Variants in KCNJ6 observed in about 807,000 individuals in gnomAD.
The protein encoded by KCNJ6 is G protein-activated inward rectifier potassium channel 2.
Under a neutral mutation model 34.2 loss-of-function variants are expected in KCNJ6, and 9 were observed. The ratio of observed to expected loss-of-function variants is 0.26; its 90% CI spans 0.16 to 0.46. The LOEUF (loss-of-function observed/expected upper bound fraction) is 0.46. KCNJ6 is among the 20% of genes least tolerant of loss of function. The probability of loss-of-function intolerance (pLI) is 1.00; values close to 1 mark genes in which losing one functional copy is unlikely to be tolerated. For synonymous variants in KCNJ6, 196 were observed against 207.1 expected (o/e 0.95, Z 0.46); for missense variants, 236 against 531.3 (o/e 0.44, Z 5.46).
rs1434911414 is a variant in KCNJ6 at position 37,825,001 on chromosome 21, T to C, written c.25+15657A>G. On this transcript the variant is annotated intron_variant, in intron 2 of 3. Transcript: ENST00000609713. Reference sequence around the variant, plus strand: ...TTTTCAAGGCCGGCATCTGTAAGTCTCTGTTCTGTCTGCATGCCAACTCCT... The same window carrying C: ...TTTTCAAGGCCGGCATCTGTAAGTCCCTGTTCTGTCTGCATGCCAACTCCT... 2.6e-5 allele frequency among the ~76,000 whole-genome samples: 4 copies of C among 152,074 alleles called. 1 individual carries two copies. In the East Asian group the frequency reaches 7.7e-4, roughly 29 times the overall value.
At chr21:37,894,631 T>C (rs560833744) in intron 1 of KCNJ6, among the ~76,000 whole-genome samples, 1 of 151,998 alleles carries the variant, frequency 6.6e-6, no homozygotes, top group Non-Finnish European at 1.5e-5. Flanking sequence ...GCCACTGCAC[T>C]CCAGCCTGGG....
intron 3 of KCNJ6, among the ~76,000 whole-genome samples, chr21:37,646,917 C>A (rs922249413): frequency 2.0e-5 from 3 of 152,106 alleles, no homozygotes; most frequent in African/African-American, 7.2e-5. Context: ...TCGTGATCCG[C>A]CCACCTCAGC....
intron 3 of KCNJ6, among the ~76,000 whole-genome samples, chr21:37,662,865 G>A (rs2054496359): frequency 1.3e-5 from 2 of 152,092 alleles, no homozygotes; most frequent in Non-Finnish European, 2.9e-5. Context: ...GACCAGTGAT[G>A]TTGAGTTCTT....
intron 2 of KCNJ6, among the ~76,000 whole-genome samples, chr21:37,832,202 T>C (rs933678111): frequency 1.3e-5 from 2 of 151,962 alleles, no homozygotes; most frequent in African/African-American, 2.4e-5. Context: ...GATGATGCTA[T>C]AACTACCTGT....
chr21:37,744,495 G>A (rs2054957272), intron 2 of KCNJ6, among the ~76,000 whole-genome samples: 1 of 152,110 alleles, frequency 6.6e-6, no homozygotes, highest in East Asian at 1.9e-4. Flanking sequence ...AACCCACCAA[G>A]CCATGTCCTC....
intron 2 of KCNJ6, among the ~76,000 whole-genome samples, chr21:37,759,639 T>C (rs534405516): frequency 6.6e-6 from 1 of 152,342 alleles, no homozygotes; most frequent in East Asian, 1.9e-4. Context: ...TAAGTAGCAC[T>C]GTTGGTCTTC....
intron 2 of KCNJ6, among the ~76,000 whole-genome samples, chr21:37,791,324 G>A (rs1247716144): frequency 1.3e-5 from 2 of 152,230 alleles, no homozygotes; most frequent in Admixed American, 6.5e-5. Flanking sequence ...TGGGGTTTGT[G>A]AACCAGATTC....
intron 3 of KCNJ6, among the ~76,000 whole-genome samples, chr21:37,656,146 C>A (rs1018442541): frequency 6.6e-6 from 1 of 152,190 alleles, no homozygotes; most frequent in African/African-American, 2.4e-5. Context: ...AAATGATACA[C>A]CCCTGCTCCA....
intron 3 of KCNJ6, among the ~76,000 whole-genome samples, chr21:37,643,475 T>C (rs986593533): frequency 6.6e-6 from 1 of 152,166 alleles, no homozygotes; most frequent in South Asian, 2.1e-4. Context: ...CTACCCTTGC[T>C]CCTGGAAAAG....
intron 2 of KCNJ6, among the ~76,000 whole-genome samples, chr21:37,731,901 C>T (rs1673510100): frequency 6.6e-6 from 1 of 152,144 alleles, no homozygotes; most frequent in African/African-American, 2.4e-5. Context: ...GTGCATTCAG[C>T]AAGGGAGAGG....
At chr21:37,657,809 G>A (rs2054470918) in intron 3 of KCNJ6, among the ~76,000 whole-genome samples, 1 of 152,244 alleles carries the variant, frequency 6.6e-6, no homozygotes, top group Admixed American at 6.5e-5. Context: ...GCCACCCTCT[G>A]GTTTAGAAAA....
intron 2 of KCNJ6, among the ~76,000 whole-genome samples, chr21:37,837,191 C>G (rs1467010410): frequency 6.6e-6 from 1 of 152,008 alleles, no homozygotes; most frequent in Non-Finnish European, 1.5e-5. Flanking sequence ...CTTTTCTTCC[C>G]TTCTCCATTT....
At chr21:37,745,980 G>A (rs1190037066) in intron 2 of KCNJ6, among the ~76,000 whole-genome samples, 1 of 152,142 alleles carries the variant, frequency 6.6e-6, no homozygotes, top group African/African-American at 2.4e-5. Context: ...GGTGCCGGCC[G>A]GTTCTGTTCC....
chr21:37,809,332 A>G (rs961622499), intron 2 of KCNJ6, among the ~76,000 whole-genome samples: 11 of 151,992 alleles, frequency 7.2e-5, no homozygotes, highest in African/African-American at 2.7e-4. Flanking sequence ...CAATGAGAAC[A>G]CATGGACACA....
chr21:37,836,233 G>A (rs1199312021), intron 2 of KCNJ6, among the ~76,000 whole-genome samples: 1 of 152,134 alleles, frequency 6.6e-6, no homozygotes, highest in African/African-American at 2.4e-5. Context: ...TAAAAAGTCA[G>A]GAAACAACAG....
At chr21:37,744,020 G>A (rs547906510) in intron 2 of KCNJ6, among the ~76,000 whole-genome samples, 2 of 151,722 alleles carry the variant, frequency 1.3e-5, no homozygotes, top group Non-Finnish European at 2.9e-5. Flanking sequence ...ATCAGTAAGG[G>A]AGCCACACTA....
At chr21:37,789,961 TGTGA>T (rs2055209519) in intron 2 of KCNJ6, among the ~76,000 whole-genome samples, 1 of 152,148 alleles carries the variant, frequency 6.6e-6, no homozygotes, top group Non-Finnish European at 1.5e-5. Flanking sequence ...TACCCAGGTG[TGTGA>T]GTGATAGAGT....
chr21:37,823,187 C>T (rs1287613582), intron 2 of KCNJ6, among the ~76,000 whole-genome samples: 1 of 152,172 alleles, frequency 6.6e-6, no homozygotes, highest in African/African-American at 2.4e-5. Flanking sequence ...GCCACCCCAA[C>T]ACCAGGCCAG....
At chr21:37,902,818 T>C (rs1168211181) in intron 1 of KCNJ6, among the ~76,000 whole-genome samples, 2 of 152,180 alleles carry the variant, frequency 1.3e-5, no homozygotes, top group Non-Finnish European at 1.5e-5. Context: ...ATACTTTTAA[T>C]TGACATCTCA....
Sources: allele counts gnomAD v4.1 joint callset (sites outside exome capture counted in the v4.1 genomes callset), GRCh38; gene constraint gnomAD v4.1.1; transcripts MANE v1.5; gene names NCBI Gene and HGNC (gene_info 2026-07-23, HGNC 2026-07-21).